XKR4: variants seen among roughly 807,000 people sequenced by gnomAD.
XKR4 encodes XK related 4.
A neutral mutation model predicts 53.9 loss-of-function variants in XKR4; 12 were observed. The ratio of observed to expected loss-of-function variants is 0.22; its 90% CI spans 0.14 to 0.36. The LOEUF (loss-of-function observed/expected upper bound fraction) is 0.36. Ranked by LOEUF, XKR4 falls within the 10% of genes least tolerant of loss-of-function variation. XKR4 has a pLI of 1.00. For missense variants in XKR4, 799 were observed against 859.5 expected, an observed-to-expected ratio of 0.93 and a Z score of 0.88; for synonymous variants, 354 against 362.4, an observed-to-expected ratio of 0.98 and a Z score of 0.26.
intron 1 of XKR4, among the ~76,000 whole-genome samples, chr8:55,339,813 A>T (rs533701222): frequency 6.6e-6 from 1 of 152,328 alleles, no homozygotes; most frequent in East Asian, 1.9e-4. Flanking sequence ...ACCACACTGG[A>T]AGTTCAGAAA....
intron 2 of XKR4, among the ~76,000 whole-genome samples, chr8:55,403,514 C>A (rs1248653383): frequency 1.3e-5 from 2 of 152,216 alleles, no homozygotes; most frequent in Non-Finnish European, 2.9e-5. Context: ...CGAATGCAGA[C>A]AACCATTAGC....
chr8:55,443,085 CTT>C (rs1397073268), intron 2 of XKR4, among the ~76,000 whole-genome samples: 1 of 152,108 alleles, frequency 6.6e-6, no homozygotes, highest in Non-Finnish European at 1.5e-5. Context: ...CTTTAACAGA[CTT>C]TTTATAGGTA....
chr8:55,276,115 G>A (rs1374492436), intron 1 of XKR4, among the ~76,000 whole-genome samples: 5 of 152,172 alleles, frequency 3.3e-5, no homozygotes, highest in African/African-American at 4.8e-5. Context: ...GACTGAAATC[G>A]TTATACACAG....
intron 1 of XKR4, among the ~76,000 whole-genome samples, chr8:55,287,723 C>CCCTAAGGGGATG (rs1260097366): frequency 6.6e-6 from 1 of 152,206 alleles, no homozygotes. Flanking sequence ...CTTCGCCATC[C>CCCTAAGGGGATG]CCGTTCTCCC....
chr8:55,403,009 C>T (rs1174178294), intron 2 of XKR4, among the ~76,000 whole-genome samples: 1 of 152,172 alleles, frequency 6.6e-6, no homozygotes, highest in Admixed American at 6.5e-5. Context: ...GTTTGGTTCC[C>T]ATCCTACGAC....
chr8:55,458,254 T>G (rs956086809), intron 2 of XKR4, among the ~76,000 whole-genome samples: 2 of 152,328 alleles, frequency 1.3e-5, no homozygotes, highest in South Asian at 2.1e-4. Flanking sequence ...TTCATGAGTC[T>G]TGTGAAGGGG....
At chr8:55,277,493 G>C (rs1259126910) in intron 1 of XKR4, among the ~76,000 whole-genome samples, 1 of 152,120 alleles carries the variant, frequency 6.6e-6, no homozygotes, top group African/African-American at 2.4e-5. Context: ...TCAAGTCTAA[G>C]CATGAAATTC....
intron 1 of XKR4, among the ~76,000 whole-genome samples, chr8:55,167,381 TTA>T (rs1398005000): frequency 6.6e-6 from 1 of 152,204 alleles, no homozygotes; most frequent in African/African-American, 2.4e-5. Flanking sequence ...AGCACAAGTA[TTA>T]TGTGTCACAT....
chr8:55,489,400 G>T (rs1272152131), intron 2 of XKR4, among the ~76,000 whole-genome samples: 1 of 152,040 alleles, frequency 6.6e-6, no homozygotes, highest in African/African-American at 2.4e-5. Flanking sequence ...TGCTACAAAA[G>T]AGAATTTCAA....
intron 1 of XKR4, among the ~76,000 whole-genome samples, chr8:55,237,397 TA>T (rs1818149525): frequency 6.6e-6 from 1 of 152,170 alleles, no homozygotes; most frequent in Non-Finnish European, 1.5e-5. Context: ...ATTCTTACAA[TA>T]AAGTCAGTTA....
At chr8:55,123,668 T>A (rs1816422713) in intron 1 of XKR4, among the ~76,000 whole-genome samples, 2 of 152,206 alleles carry the variant, frequency 1.3e-5, no homozygotes, top group Non-Finnish European at 2.9e-5. Context: ...GTCCTGCTGG[T>A]TTCACTGCTC....
At chr8:55,429,663 C>G (rs1585568794) in intron 2 of XKR4, among the ~76,000 whole-genome samples, 1 of 150,584 alleles carries the variant, frequency 6.6e-6, no homozygotes, top group South Asian at 2.1e-4. Flanking sequence ...CCCAAGAGTT[C>G]AAGGTTACAG....
intron 1 of XKR4, among the ~76,000 whole-genome samples, chr8:55,306,967 C>A (rs1210971890): frequency 6.7e-6 from 1 of 150,134 alleles, no homozygotes; most frequent in Non-Finnish European, 1.5e-5. Context: ...TCAACCTAAG[C>A]CTCACACCTA....
intron 1 of XKR4, among the ~76,000 whole-genome samples, chr8:55,322,164 G>A (rs1803225827): frequency 6.6e-6 from 1 of 152,060 alleles, no homozygotes; most frequent in Admixed American, 6.6e-5. Context: ...TTATCCCTAA[G>A]TAATTGCTTA....
intron 1 of XKR4, among the ~76,000 whole-genome samples, chr8:55,303,359 G>T (rs566303674): frequency 6.6e-6 from 1 of 152,158 alleles, no homozygotes; most frequent in African/African-American, 2.4e-5. Context: ...ACTTGATCAT[G>T]GTGGATAAGC....
At chr8:55,274,556 C>T (rs1429428471) in intron 1 of XKR4, among the ~76,000 whole-genome samples, 1 of 152,080 alleles carries the variant, frequency 6.6e-6, no homozygotes, top group Non-Finnish European at 1.5e-5. Flanking sequence ...CCCCAGGCTC[C>T]TGAGTAGCTG....
chr8:55,113,598 C>G (rs1193125694), intron 1 of XKR4, among the ~76,000 whole-genome samples: 1 of 152,188 alleles, frequency 6.6e-6, no homozygotes, highest in Non-Finnish European at 1.5e-5. Context: ...TATAGATTAA[C>G]TGGGTGCATG....
intron 2 of XKR4, among the ~76,000 whole-genome samples, chr8:55,440,138 G>T (rs1805243099): frequency 5.3e-5 from 8 of 152,100 alleles, no homozygotes; most frequent in Admixed American, 5.2e-4. Flanking sequence ...TGTGTATCCA[G>T]AATATAGTAT....
intron 1 of XKR4, among the ~76,000 whole-genome samples, chr8:55,116,644 G>T (rs1459801617): frequency 1.3e-5 from 2 of 152,152 alleles, no homozygotes. Context: ...AAACAAGATA[G>T]AAATGGATGA....
Sources: gnomAD v4.1 joint callset for allele counts (sites outside exome capture counted in the v4.1 genomes callset) on GRCh38, gnomAD v4.1.1 for gene constraint, MANE v1.5 for transcripts, NCBI Gene and HGNC (gene_info 2026-07-23, HGNC 2026-07-21) for gene names.